The following NLGN1 variants were observed in gnomAD, a reference collection of about 807,000 sequenced individuals.
NLGN1 encodes neuroligin 1.
Under a neutral mutation model 65.5 loss-of-function variants are expected in NLGN1, and 12 were observed. That is an observed-to-expected ratio of 0.18 (90% CI 0.12 to 0.30). The LOEUF (loss-of-function observed/expected upper bound fraction) is 0.30, where lower values mean the gene tolerates loss of function less well. NLGN1 is among the 10% of genes least tolerant of loss of function. The pLI is 1.00. For synonymous variants in NLGN1, 350 were observed against 359.5 expected, an observed-to-expected ratio of 0.97 and a Z score of 0.30; for missense variants, 750 against 1,007.1, an observed-to-expected ratio of 0.74 and a Z score of 3.46.
chr3:173,506,307 G>A (rs942877892), intron 2 of NLGN1, among the ~76,000 whole-genome samples: 7 of 151,958 alleles, frequency 4.6e-5, no homozygotes, highest in African/African-American at 1.7e-4. Context: ...AGATTTTAAC[G>A]AAATGAGGTT....
chr3:174,110,914 C>G (rs1190908974), intron 4 of NLGN1, among the ~76,000 whole-genome samples: 1 of 151,834 alleles, frequency 6.6e-6, no homozygotes, highest in Non-Finnish European at 1.5e-5. Context: ...CTCTCTATGG[C>G]CTTTGGTAAA....
In NLGN1 at chr3:174,182,392, T is replaced by C. The variant is rs576223672; in HGVS notation, c.647-92923T>C. Among the ~76,000 whole-genome samples, 14 of 152,248 alleles carry C rather than the reference T, an allele frequency of 9.2e-5. 1 individual carries two copies. In the South Asian group the frequency reaches 2.9e-3, roughly 32 times the overall value. ...TATGTTCCAAACTTATTATGTGCTA[T>C]GAGGGAGTCAGGAGAAGCAGAGCAT... On this transcript the variant is annotated intron_variant, in intron 4 of 6. Transcript: ENST00000457714.
intron 4 of NLGN1, among the ~76,000 whole-genome samples, chr3:174,058,686 A>T (rs1736719130): frequency 6.6e-6 from 1 of 152,050 alleles, no homozygotes; most frequent in African/African-American, 2.4e-5. Flanking sequence ...TTATTATTTT[A>T]CCTGACCTAC....
At chr3:173,485,187 C>G (rs1727978522) in intron 2 of NLGN1, among the ~76,000 whole-genome samples, 1 of 151,270 alleles carries the variant, frequency 6.6e-6, no homozygotes, top group Non-Finnish European at 1.5e-5. Context: ...CTTGTGAGAC[C>G]CAGAACAGCC....
chr3:173,817,500 A>G (rs766888532), intron 4 of NLGN1, among the ~76,000 whole-genome samples: 1 of 152,226 alleles, frequency 6.6e-6, no homozygotes, highest in African/African-American at 2.4e-5. Context: ...GGACCTGCTG[A>G]GGCTGGACTC....
At chr3:174,009,265 T>C (rs1725042271) in intron 4 of NLGN1, among the ~76,000 whole-genome samples, 1 of 152,140 alleles carries the variant, frequency 6.6e-6, no homozygotes, top group African/African-American at 2.4e-5. Flanking sequence ...AAACTTTACT[T>C]CCTAATACCA....
intron 4 of NLGN1, among the ~76,000 whole-genome samples, chr3:174,253,143 T>A (rs1273844773): frequency 1.3e-5 from 2 of 152,132 alleles, no homozygotes; most frequent in African/African-American, 4.8e-5. Context: ...TGTTTTAAAA[T>A]TATTTCTTTT....
chr3:173,573,242 G>T (rs530037707), intron 2 of NLGN1, among the ~76,000 whole-genome samples: 1 of 152,052 alleles, frequency 6.6e-6, no homozygotes, highest in Non-Finnish European at 1.5e-5. Context: ...TCAGTTTTCT[G>T]ACTTGTAAAA....
chr3:173,779,000 A>G (rs1397854486), intron 3 of NLGN1, among the ~76,000 whole-genome samples: 1 of 151,586 alleles, frequency 6.6e-6, no homozygotes, highest in Non-Finnish European at 1.5e-5. Flanking sequence ...TAAGTGATAC[A>G]GAACCATATT....
chr3:173,826,390 A>G (rs1721341223), intron 4 of NLGN1, among the ~76,000 whole-genome samples: 1 of 152,054 alleles, frequency 6.6e-6, no homozygotes, highest in African/African-American at 2.4e-5. Flanking sequence ...AACATTGGCT[A>G]GAATGAGAGA....
At chr3:174,229,174 T>G (rs1460213195) in intron 4 of NLGN1, among the ~76,000 whole-genome samples, 1 of 152,112 alleles carries the variant, frequency 6.6e-6, no homozygotes, top group Non-Finnish European at 1.5e-5. Context: ...GAGAACTAAA[T>G]GCACTACTAT....
At chr3:173,568,634 GA>G (rs1744122250) in intron 2 of NLGN1, among the ~76,000 whole-genome samples, 1 of 151,972 alleles carries the variant, frequency 6.6e-6, no homozygotes, top group Non-Finnish European at 1.5e-5. Flanking sequence ...AACAAATTAG[GA>G]AAATCAAGTT....
chr3:173,788,522 A>G (rs1040459284), intron 3 of NLGN1, among the ~76,000 whole-genome samples: 6 of 152,122 alleles, frequency 3.9e-5, no homozygotes, highest in African/African-American at 7.2e-5. Context: ...CTTTAATTTC[A>G]TAAATGATCC....
chr3:173,413,116 G>C (rs1182588314), intron 1 of NLGN1, among the ~76,000 whole-genome samples: 1 of 151,690 alleles, frequency 6.6e-6, no homozygotes, highest in East Asian at 1.9e-4. Flanking sequence ...TTCCCTCGCA[G>C]ACTGCCCATT....
chr3:174,057,995 A>C (rs1476747947), intron 4 of NLGN1: 7 of 152,106 alleles, frequency 4.6e-5, no homozygotes, highest in Admixed American at 2.6e-4. Context: ...ATAGGTTATG[A>C]TTTTGAGGGA....
At chr3:173,660,226 A>G (rs138056650) in intron 3 of NLGN1, among the ~76,000 whole-genome samples, 24 of 152,054 alleles carry the variant, frequency 1.6e-4, no homozygotes, top group Non-Finnish European at 3.4e-4. Flanking sequence ...AGTAGTTTCC[A>G]TTGTGCAATG....
At chr3:173,635,512 G>A (rs1385472652) in intron 3 of NLGN1, among the ~76,000 whole-genome samples, 1 of 152,106 alleles carries the variant, frequency 6.6e-6, no homozygotes, top group East Asian at 1.9e-4. Flanking sequence ...GAGAAAAACA[G>A]TCACAAATAT....
intron 3 of NLGN1, among the ~76,000 whole-genome samples, chr3:173,698,919 T>C (rs1766665779): frequency 6.6e-6 from 1 of 152,080 alleles, no homozygotes; most frequent in Non-Finnish European, 1.5e-5. Context: ...TACAATGGCG[T>C]GATCTCAGCT....
chr3:173,473,178 G>T (rs1382520175), intron 2 of NLGN1, among the ~76,000 whole-genome samples: 1 of 152,076 alleles, frequency 6.6e-6, no homozygotes, highest in Non-Finnish European at 1.5e-5. Context: ...TTCATATTAA[G>T]ATTTCCTATA....
Sources: gnomAD v4.1 joint callset for allele counts (sites outside exome capture counted in the v4.1 genomes callset) on GRCh38, gnomAD v4.1.1 for gene constraint, MANE v1.5 for transcripts, NCBI Gene and HGNC (gene_info 2026-07-23, HGNC 2026-07-21) for gene names.